B4GALNT3: variants seen among roughly 807,000 people sequenced by gnomAD.
B4GALNT3 encodes the protein beta-1,4-N-acetylgalactosaminyltransferase 3.
A neutral mutation model predicts 120.2 loss-of-function variants in B4GALNT3; 86 were observed. The ratio of observed to expected loss-of-function variants is 0.72; its 90% CI spans 0.60 to 0.86. The LOEUF (loss-of-function observed/expected upper bound fraction) is 0.86, where lower values mean the gene tolerates loss of function less well. Among genes scored for constraint, B4GALNT3 ranks in the 40% least tolerant of loss-of-function variants. The pLI is 0.00. For missense variants in B4GALNT3, 1,167 were observed against 1,298.9 expected, an observed-to-expected ratio of 0.90 and a Z score of 1.56; for synonymous variants, 518 against 510.4, an observed-to-expected ratio of 1.01 and a Z score of -0.20.
At chr12:534,649 A>G (rs916013748) in intron 1 of B4GALNT3, among the ~76,000 whole-genome samples, 1 of 152,272 alleles carries the variant, frequency 6.6e-6, no homozygotes, top group Non-Finnish European at 1.5e-5. Context: ...TTTGTTTGAC[A>G]GACATCACAT....
chr12:553,783 G>C lies in B4GALNT3; in HGVS notation c.1860G>C (p.Glu620Asp). 6.2e-7 allele frequency: 1 copy of C among 1,614,248 alleles called. No individual in the cohort carries two copies. The highest frequency in any genetic ancestry group is 8.5e-7 in the Non-Finnish European group (1 of 1,180,036). Residue 620 changes from glutamate (E) to aspartate (D), a missense_variant, in exon 14 of 20, where the codon GAG (glutamate) becomes GAC (aspartate). By Grantham distance (45) the Glu-to-Asp change is conservative. This residue lies in a region of B4GALNT3 where 983 missense variants were observed against 1,102.5 expected (regional missense o/e 0.89). Transcript: ENST00000266383. Reference protein sequence around the residue: ...EEEEEEEDMSEVFEYVPVFDP... With the variant: ...EEEEEEEDMSDVFEYVPVFDP... ...AGGAGGAGGAAGAGGATATGAGTGA[G>C]GTGTTCGAGTACGTACCTGTGTTTG...
At position 553,647 on chromosome 12, in the gene B4GALNT3, G is replaced by T; in HGVS notation, c.1724G>T (p.Gly575Val). ...VESYIAEQRR[G>V]DRMRPQAPGR... ...TCGTACATCGCAGAGCAGAGACGGG[G>T]TGACAGGATGCGGCCTCAGGCCCCT... The change falls in exon 14 of 20, where the codon GGT becomes GTT. Residue 575 changes from glycine (G) to valine (V), a missense_variant. Around this residue, in one of 3 missense-constraint regions of B4GALNT3, gnomAD observed 983 missense variants for 1,102.5 expected, o/e 0.89. Transcript: ENST00000266383. 1 of 1,614,058 alleles carries T rather than the reference G, an allele frequency of 6.2e-7. No individual in the cohort carries two copies. The highest frequency in any genetic ancestry group is 8.5e-7 in the Non-Finnish European group (1 of 1,179,914).
intron 1 of B4GALNT3, among the ~76,000 whole-genome samples, chr12:509,748 C>T (rs900769883): frequency 1.3e-5 from 2 of 152,066 alleles, no homozygotes; most frequent in African/African-American, 4.8e-5. Flanking sequence ...GTGCTGAGAG[C>T]GGAGCTGGGT....
intron 1 of B4GALNT3, among the ~76,000 whole-genome samples, chr12:491,821 C>T (rs946773855): frequency 4.0e-5 from 6 of 151,444 alleles, no homozygotes; most frequent in South Asian, 2.1e-4. Context: ...TTTGGGAGGC[C>T]GAGGTGGGCA....
chr12:553,782 A>G lies in B4GALNT3; in HGVS notation c.1859A>G (p.Glu620Gly). 1 of 1,614,172 alleles carries G rather than the reference A, an allele frequency of 6.2e-7. No homozygotes were observed. Among genetic ancestry groups the G allele is most frequent in the Non-Finnish European group, 8.5e-7 (1 of 1,180,016 alleles). ...GAGGAGGAGGAAGAGGATATGAGTGAGGTGTTCGAGTACGTACCTGTGTTT... is the reference window on the plus strand; with the variant it reads ...GAGGAGGAGGAAGAGGATATGAGTGGGGTGTTCGAGTACGTACCTGTGTTT... ...EEEEEEEDMS[E>G]VFEYVPVFDP... Residue 620 changes from glutamate to glycine, a missense_variant, in exon 14 of 20, where the codon GAG becomes GGG. Physicochemically the swap from Glu to Gly is moderately conservative, Grantham distance 98. This residue lies in a region of B4GALNT3 where 983 missense variants were observed against 1,102.5 expected (regional missense o/e 0.89). Transcript: ENST00000266383.
chr12:545,187 C>T, intron 5 of B4GALNT3, 182 bp from the exon 6 acceptor site: 2 of 1,447,022 alleles, frequency 1.4e-6, no homozygotes, highest in Non-Finnish European at 1.8e-6. Context: ...GCTCATCTCT[C>T]CATATAAGTC....
intron 3 of B4GALNT3, among the ~76,000 whole-genome samples, chr12:542,281 G>A (rs1263107911): frequency 2.0e-5 from 3 of 152,064 alleles, no homozygotes; most frequent in Non-Finnish European, 1.5e-5. Flanking sequence ...GTGTTCCCCA[G>A]AGGCTGCGCC....
chr12:482,129 T>A (rs555174780), intron 1 of B4GALNT3, among the ~76,000 whole-genome samples: 1 of 152,272 alleles, frequency 6.6e-6, no homozygotes, highest in South Asian at 2.1e-4. Flanking sequence ...GAAAAGATAC[T>A]TGTAACACAC....
intron 1 of B4GALNT3, among the ~76,000 whole-genome samples, chr12:509,192 C>T (rs749069070): frequency 6.6e-6 from 1 of 152,250 alleles, no homozygotes; most frequent in Admixed American, 6.5e-5. Context: ...ACTGCTGTAC[C>T]TTCGCCCCAC....
intron 19 of B4GALNT3, among the ~76,000 whole-genome samples, chr12:559,667 C>T (rs989990675): frequency 1.3e-5 from 2 of 152,070 alleles, no homozygotes; most frequent in Admixed American, 1.3e-4. Flanking sequence ...ATGCCTGGTA[C>T]ACCGTGTACC....
At chr12:554,583 G>C (rs1947123475) in intron 14 of B4GALNT3, among the ~76,000 whole-genome samples, 1 of 151,766 alleles carries the variant, frequency 6.6e-6, no homozygotes, top group African/African-American at 2.4e-5. Flanking sequence ...GAGGTCAGGA[G>C]ATCGAGACCA....
chr12:487,485 G>T (rs1946300402), intron 1 of B4GALNT3, among the ~76,000 whole-genome samples: 1 of 152,170 alleles, frequency 6.6e-6, no homozygotes, highest in Admixed American at 6.5e-5. Flanking sequence ...GGCTGAGGCG[G>T]GCAGATCACT....
Position 551,027 on chromosome 12 carries a change from G to C in B4GALNT3, c.1103G>C (p.Arg368Pro). 1 of 1,607,264 alleles carries C rather than the reference G, an allele frequency of 6.2e-7. No homozygotes were observed. ...GLPLQRYQGLRFVHLSFVYPN... is the reference protein window; with the variant it reads ...GLPLQRYQGLPFVHLSFVYPN... ...CCTCTGCAGCGCTACCAGGGACTCC[G>C]GTTTGTAAGTCTTGGGCCTGGGTCA... Residue 368 changes from arginine (R) to proline (P), a missense_variant, in exon 11 of 20, where the codon CGG becomes CCG. Transcript: ENST00000266383.
At chr12:518,756 T>C (rs1453550988) in intron 1 of B4GALNT3, among the ~76,000 whole-genome samples, 1 of 152,214 alleles carries the variant, frequency 6.6e-6, no homozygotes, top group Non-Finnish European at 1.5e-5. Flanking sequence ...TACAATGCAA[T>C]AGCATTTGCA....
Position 510,388 on chromosome 12 carries a change from G to A in B4GALNT3, c.170-24778G>A, listed in dbSNP as rs373576541. On this transcript the variant is annotated intron_variant, in intron 1 of 19. Transcript: ENST00000266383. ...TTCCTTGGGGTGAGAAAGCACAATG[G>A]GAAGGGCTAGCAGCTCCCCCGATCC... Among the ~76,000 whole-genome samples the A allele has an allele frequency of 3.1e-4, 46 of 146,556 alleles. No individual in the cohort carries two copies. In the South Asian group the frequency reaches 0.01, roughly 33 times the overall value.
chr12:546,970 T>C, intron 7 of B4GALNT3: 4 of 518,044 alleles, frequency 7.7e-6, no homozygotes, highest in Middle Eastern at 5.2e-4. Context: ...GACTGGAAAA[T>C]AGGTCTCCTT....
chr12:556,072 T>C (rs57940854), intron 14 of B4GALNT3, among the ~76,000 whole-genome samples: 9,124 of 151,952 alleles, frequency 0.06, 681 homozygotes, highest in Admixed American at 0.22. Flanking sequence ...TGTGAGCCAC[T>C]GCACCTGGCA....
intron 3 of B4GALNT3, among the ~76,000 whole-genome samples, chr12:538,210 G>T (rs1194191363): frequency 6.6e-6 from 1 of 151,964 alleles, no homozygotes; most frequent in East Asian, 1.9e-4. Context: ...GCCAATCAAG[G>T]CCATATGTAT....
Position 553,650 on chromosome 12 carries a change from A to C in B4GALNT3, c.1727A>C (p.Asp576Ala). The change falls in exon 14 of 20, where the codon GAC (aspartate) becomes GCC (alanine). Residue 576 changes from aspartate to alanine, a missense_variant. Physicochemically the swap from Asp to Ala is moderately radical, Grantham distance 126. Transcript: ENST00000266383. ...TACATCGCAGAGCAGAGACGGGGTG[A>C]CAGGATGCGGCCTCAGGCCCCTGGA... Reference protein sequence around the residue: ...ESYIAEQRRGDRMRPQAPGRG... With the variant: ...ESYIAEQRRGARMRPQAPGRG... The C allele has an allele frequency of 6.2e-7, 1 of 1,614,042 alleles. No homozygotes were observed. Among genetic ancestry groups the C allele is most frequent in the Non-Finnish European group, 8.5e-7 (1 of 1,179,914 alleles).
Sources: allele counts gnomAD v4.1 joint callset (sites outside exome capture counted in the v4.1 genomes callset), GRCh38; gene constraint gnomAD v4.1.1; regional missense constraint gnomAD v4.1.1; transcripts MANE v1.5; gene names NCBI Gene and HGNC (gene_info 2026-07-23, HGNC 2026-07-21).